The following MYRFL variants were observed in gnomAD, a reference collection of about 807,000 sequenced individuals.
MYRFL encodes myelin regulatory factor-like protein.
MYRFL carries 88 observed loss-of-function variants against 109.4 expected under a neutral mutation model. That is an observed-to-expected ratio of 0.80 (90% CI 0.68 to 0.96). The LOEUF (loss-of-function observed/expected upper bound fraction) is 0.96. Ranked by LOEUF, MYRFL falls within the 40% of genes least tolerant of loss-of-function variation. The pLI is 0.00. For missense variants in MYRFL, 957 were observed against 954.9 expected (o/e 1.00, Z -0.03); for synonymous variants, 324 against 320.9 (o/e 1.01, Z -0.10).
At chr12:69,861,066 A>G (rs200657527) in intron 2 of MYRFL, among the ~76,000 whole-genome samples, 36,978 of 148,532 alleles carry the variant, frequency 0.25, 5,175 homozygotes, top group Middle Eastern at 0.39. Context: ...GTCCCTACAA[A>G]GGACATGAAC....
intron 2 of MYRFL, among the ~76,000 whole-genome samples, chr12:69,872,085 C>A (rs2136329288): frequency 7.4e-6 from 1 of 135,534 alleles, no homozygotes; most frequent in Admixed American, 7.2e-5. Context: ...AGTACATAAA[C>A]AATCATGATT....
intron 1 of MYRFL, among the ~76,000 whole-genome samples, chr12:69,847,771 G>A (rs1883644830): frequency 6.6e-6 from 1 of 152,088 alleles, no homozygotes; most frequent in Admixed American, 6.5e-5. Context: ...TAAGATATAG[G>A]CAATCATTAA....
chr12:69,910,294 T>G (rs898154), intron 12 of MYRFL, among the ~76,000 whole-genome samples: 26 of 151,892 alleles, frequency 1.7e-4, no homozygotes, highest in African/African-American at 6.3e-4. Flanking sequence ...GTACTGGTGG[T>G]GTAGGTTGAA....
Position 69,952,190 on chromosome 12 carries a change from A to AC in MYRFL, c.2287+15_2287+16insC. 1 of 1,535,468 alleles carries AC rather than the reference A, an allele frequency of 6.5e-7. No homozygotes were observed. Among genetic ancestry groups the AC allele is most frequent in the Non-Finnish European group, 8.7e-7 (1 of 1,146,258 alleles). On this transcript the variant is annotated intron_variant, in intron 20 of 24. Coordinates refer to ENST00000552032, the MANE Select transcript of MYRFL (RefSeq NM_182530.3). ...GGAGAGTGACTGTAAGTTGACATTT[A>AC]AGTGACACTATTCTTTGGCTTTGCG... is the stretch of plus-strand genomic sequence containing the variant.
Position 69,825,344 on chromosome 12 carries a change from C to T in MYRFL, c.-174C>T, listed in dbSNP as rs1271231704. Reference sequence around the variant, plus strand: ...CCAGTTTTATAATCACATTTGAAAACTCAACCATCTTTCTGGGCACAATTT... The same window carrying T: ...CCAGTTTTATAATCACATTTGAAAATTCAACCATCTTTCTGGGCACAATTT... On this transcript the variant is annotated 5_prime_UTR_variant, in exon 1 of 25. Transcript: ENST00000552032. 1 of 696,842 alleles carries T rather than the reference C, an allele frequency of 1.4e-6. No homozygotes were observed. The highest frequency in any genetic ancestry group is 2.6e-6 in the Non-Finnish European group (1 of 381,656). 43.2% of individuals were successfully genotyped at this position (696,842 alleles called of 1,614,324 possible).
At chr12:69,895,344 G>T (rs2136341305) in intron 8 of MYRFL, 27 bp from the exon 9 acceptor site, 8 of 1,226,216 alleles carry the variant, frequency 6.5e-6, no homozygotes, top group South Asian at 1.5e-5. Context: ...TAGTCTCTTG[G>T]TTTTTTTTTT....
At chr12:69,934,621 G>T (rs746315169) in intron 16 of MYRFL, among the ~76,000 whole-genome samples, 1 of 152,266 alleles carries the variant, frequency 6.6e-6, no homozygotes, top group East Asian at 1.9e-4. Flanking sequence ...GATGAAAGCA[G>T]AGAATTTTAT....
chr12:69,915,721 A>G (rs1366373189), intron 13 of MYRFL, among the ~76,000 whole-genome samples: 2 of 152,032 alleles, frequency 1.3e-5, no homozygotes, highest in African/African-American at 4.8e-5. Flanking sequence ...AGGGATTGGG[A>G]GTGACACTGA....
chr12:69,886,764 T>G, intron 5 of MYRFL, 56 bp from the exon 6 acceptor site: 280 of 1,524,660 alleles, frequency 1.8e-4, no homozygotes, highest in Non-Finnish European at 2.2e-4. Flanking sequence ...CTGCTAGCTG[T>G]GAGTTTAGGA....
chr12:69,866,054 G>T (rs577991674), intron 2 of MYRFL, among the ~76,000 whole-genome samples: 1 of 152,228 alleles, frequency 6.6e-6, no homozygotes, highest in East Asian at 1.9e-4. Context: ...AGGTCAATAC[G>T]TGGCAAAGCT....
chr12:69,906,874 G>C (rs1375570983), intron 11 of MYRFL, among the ~76,000 whole-genome samples: 2 of 152,206 alleles, frequency 1.3e-5, no homozygotes, highest in East Asian at 3.9e-4. Context: ...CAATTCTTGA[G>C]CTAATGATAT....
chr12:69,908,785 A>G (rs1954460607), intron 11 of MYRFL, among the ~76,000 whole-genome samples: 1 of 152,334 alleles, frequency 6.6e-6, no homozygotes, highest in Admixed American at 6.5e-5. Flanking sequence ...GTTCAGGGGT[A>G]CAAGTGCAGG....
At chr12:69,853,002 G>T (rs538936478) in intron 1 of MYRFL, among the ~76,000 whole-genome samples, 1 of 152,238 alleles carries the variant, frequency 6.6e-6, no homozygotes, top group Non-Finnish European at 1.5e-5. Context: ...CACAGACACC[G>T]TAACATCTGA....
chr12:69,914,496 G>A (rs899136257), intron 13 of MYRFL, among the ~76,000 whole-genome samples: 3 of 152,134 alleles, frequency 2.0e-5, no homozygotes, highest in African/African-American at 2.4e-5. Flanking sequence ...TAGAACACTC[G>A]AAGTGTTCCT....
chr12:69,952,088 A>G, intron 19 of MYRFL, 25 bp from the exon 20 acceptor site: 1 of 1,535,004 alleles, frequency 6.5e-7, no homozygotes, highest in Non-Finnish European at 8.7e-7. Flanking sequence ...AGCCTTCAAG[A>G]TTGACAGACT....
At chr12:69,852,089 C>T (rs1451728922) in intron 1 of MYRFL, among the ~76,000 whole-genome samples, 1 of 152,214 alleles carries the variant, frequency 6.6e-6, no homozygotes, top group Non-Finnish European at 1.5e-5. Flanking sequence ...TGGTCACTGT[C>T]CAACCAATGG....
intron 13 of MYRFL, among the ~76,000 whole-genome samples, chr12:69,920,478 GAA>G (rs1426174807): frequency 2.0e-5 from 3 of 152,154 alleles, no homozygotes; most frequent in Non-Finnish European, 4.4e-5. Context: ...CCACCTGTAA[GAA>G]TATTTATTCA....
chr12:69,878,523 G>A (rs1885837827), intron 2 of MYRFL, among the ~76,000 whole-genome samples: 1 of 152,038 alleles, frequency 6.6e-6, no homozygotes, highest in African/African-American at 2.4e-5. Flanking sequence ...TATATATTTG[G>A]GGGTAAATGT....
chr12:69,927,658 G>A, intron 14 of MYRFL, 27 bp from the exon 15 acceptor site: 1 of 1,517,616 alleles, frequency 6.6e-7, no homozygotes, highest in South Asian at 1.2e-5. Flanking sequence ...TATTTGAATA[G>A]TAACCAATTT....
Sources: allele counts gnomAD v4.1 joint callset (sites outside exome capture counted in the v4.1 genomes callset), GRCh38; gene constraint gnomAD v4.1.1; transcripts MANE v1.5; gene names NCBI Gene and HGNC (gene_info 2026-07-23, HGNC 2026-07-21).